Variants in USP40 observed in about 807,000 individuals in gnomAD.
USP40 encodes ubiquitin specific peptidase 40, also known as ubiquitin carboxyl-terminal hydrolase 40.
USP40 carries 143 observed loss-of-function variants against 166.2 expected under a neutral mutation model. The ratio of observed to expected loss-of-function variants is 0.86; its 90% CI spans 0.75 to 0.99. USP40 has a LOEUF of 0.99. Among genes scored for constraint, USP40 ranks in the 50% least tolerant of loss-of-function variants. USP40 has a pLI of 0.00. For synonymous variants in USP40, 498 were observed against 524.0 expected, an observed-to-expected ratio of 0.95 and a Z score of 0.68; for missense variants, 1,444 against 1,479.7, an observed-to-expected ratio of 0.98 and a Z score of 0.40.
intron 24 of USP40, among the ~76,000 whole-genome samples, chr2:233,495,573 A>G (rs1030836599): frequency 6.6e-6 from 1 of 152,148 alleles, no homozygotes; most frequent in African/African-American, 2.4e-5. Flanking sequence ...TTATCTCTTA[A>G]TAAACCTATT....
intron 30 of USP40, among the ~76,000 whole-genome samples, chr2:233,484,826 ATTTC>A (rs1404509944): frequency 6.6e-6 from 1 of 152,102 alleles, no homozygotes; most frequent in Non-Finnish European, 1.5e-5. Flanking sequence ...TCCTTTTCAA[ATTTC>A]TTTTACTGCT....
intron 23 of USP40, 131 bp from the exon 24 acceptor site, chr2:233,496,963 C>T (rs2065783853): frequency 3.2e-6 from 2 of 623,996 alleles, no homozygotes; most frequent in East Asian, 5.6e-5. Context: ...ATGGAAGACA[C>T]AGGAAATAAG....
chr2:233,526,372 C>A (rs1203971326), intron 13 of USP40, among the ~76,000 whole-genome samples: 1 of 152,028 alleles, frequency 6.6e-6, no homozygotes, highest in Non-Finnish European at 1.5e-5. Flanking sequence ...GGTTCAGATT[C>A]CCACATCTGC....
Position 233,525,493 on chromosome 2 carries a change from A to C in USP40, c.1795T>G (p.Tyr599Asp). The change falls in exon 14 of 32, where the codon TAC becomes GAC. Residue 599 changes from tyrosine to aspartate, a missense_variant. Physicochemically the swap from Tyr to Asp is radical, Grantham distance 160 (BLOSUM62 -3). Transcript: ENST00000678225. ...TTTATCTTACCGCCAAGTGACTGGT[A>C]AATGTGAAGTCCTGCTGGTACAAGC... Reference protein sequence around the residue: ...AKLVPAGLHIYQSLGGDELTL... With the variant: ...AKLVPAGLHIDQSLGGDELTL... The C allele has an allele frequency of 6.2e-7, 1 of 1,612,966 alleles. No homozygotes were observed. Among genetic ancestry groups the C allele is most frequent in the Non-Finnish European group, 8.5e-7 (1 of 1,179,250 alleles).
chr2:233,546,784 T>G (rs1427352807), intron 8 of USP40: 1 of 152,190 alleles, frequency 6.6e-6, no homozygotes, highest in Non-Finnish European at 1.5e-5. Flanking sequence ...AAGGGGAGTT[T>G]AAGGCGGAGT....
intron 22 of USP40, among the ~76,000 whole-genome samples, chr2:233,499,252 A>G (rs2065921374): frequency 6.6e-6 from 1 of 151,022 alleles, no homozygotes; most frequent in South Asian, 2.1e-4. Flanking sequence ...AAGTAAGAAC[A>G]TGTGGTGTCT....
In USP40 at chr2:233,523,293, G is replaced by A; in HGVS notation, c.2078C>T (p.Ala693Val). 6.2e-7 allele frequency: 1 copy of A among 1,614,002 alleles called. No homozygotes were observed. The highest frequency in any genetic ancestry group is 8.5e-7 in the Non-Finnish European group (1 of 1,179,890). The change falls in exon 16 of 32, where the codon GCT (alanine) becomes GTT (valine). Residue 693 changes from alanine (A) to valine (V), a missense_variant. Physicochemically the swap from Ala to Val is moderately conservative, Grantham distance 64. Coordinates refer to ENST00000678225, the MANE Select transcript of USP40 (RefSeq NM_001365479.2). ...CCAACCCTCCCCACCTGGACATCCA[G>A]CACTGTTGATGAAGATGACACCTGC... ...IPAGVIFINS[A>V]GCPGGEGWTA...
intron 8 of USP40, among the ~76,000 whole-genome samples, chr2:233,542,805 T>C (rs2069547610): frequency 1.3e-5 from 2 of 152,244 alleles, no homozygotes; most frequent in Non-Finnish European, 2.9e-5. Context: ...GACAATTTAC[T>C]TCATCTCTCT....
chr2:233,522,329 T>C (rs2067714611), intron 16 of USP40, among the ~76,000 whole-genome samples: 1 of 152,208 alleles, frequency 6.6e-6, no homozygotes, highest in South Asian at 2.1e-4. Context: ...TCCCAATAAA[T>C]GCATACTGCC....
intron 30 of USP40, among the ~76,000 whole-genome samples, chr2:233,484,895 GTGT>G (rs1559212658): frequency 6.6e-6 from 1 of 152,092 alleles, no homozygotes; most frequent in African/African-American, 2.4e-5. Flanking sequence ...TTCATTGCCC[GTGT>G]TGTTTAGTAC....
At chr2:233,507,444 T>A (rs76398698) in intron 21 of USP40, among the ~76,000 whole-genome samples, 5 of 151,972 alleles carry the variant, frequency 3.3e-5, no homozygotes, top group African/African-American at 1.2e-4. Context: ...AGTGGATGAA[T>A]AGGTAAGGAA....
intron 31 of USP40, among the ~76,000 whole-genome samples, chr2:233,477,989 G>C (rs1440429635): frequency 1.3e-5 from 2 of 152,222 alleles, no homozygotes; most frequent in African/African-American, 2.4e-5. Context: ...CCATGGCACC[G>C]TGCGGCAGGT....
At chr2:233,563,868 A>G (rs2071889235) in intron 2 of USP40, among the ~76,000 whole-genome samples, 1 of 152,094 alleles carries the variant, frequency 6.6e-6, no homozygotes, top group African/African-American at 2.4e-5. Context: ...TGGGACTCTC[A>G]GTACTACTCT....
chr2:233,520,273 G>A (rs1328681587), intron 17 of USP40, among the ~76,000 whole-genome samples: 2 of 152,072 alleles, frequency 1.3e-5, no homozygotes, highest in African/African-American at 4.8e-5. Flanking sequence ...GAAACAGAGT[G>A]AGTCATAAAG....
Position 233,498,491 on chromosome 2 carries a change from C to A in USP40, c.2715+57G>T, listed in dbSNP as rs189034357. On this transcript the variant is annotated intron_variant, in intron 23 of 31. Transcript: ENST00000678225. Reference sequence around the variant, plus strand: ...TCATGAGTGGAATGGGTACCTTGTACGAAAATATGACATAAATGTAATCAT... The same window carrying A: ...TCATGAGTGGAATGGGTACCTTGTAAGAAAATATGACATAAATGTAATCAT... 7.9e-6 allele frequency: 12 copies of A among 1,527,702 alleles called. No homozygotes were observed. The East Asian group carries it at 9.0e-5, about 12-fold the overall frequency. 94.6% of individuals were successfully genotyped at this position (1,527,702 alleles called of 1,614,324 possible).
intron 2 of USP40, among the ~76,000 whole-genome samples, 156 bp from the exon 3 acceptor site, chr2:233,562,959 T>C (rs1454603770): frequency 1.3e-5 from 2 of 152,200 alleles, no homozygotes; most frequent in African/African-American, 4.8e-5. Flanking sequence ...TACTTTCTTG[T>C]AACATTTTTA....
rs182744414 is a variant in USP40, at chr2:233,565,660, T to C, written c.-19-87A>G. The C allele has an allele frequency of 2.0e-3, 2,365 of 1,173,708 alleles. 7 individuals are homozygous for C. The highest frequency in any genetic ancestry group is 2.5e-3 in the Non-Finnish European group (2,163 of 850,496). The allele number at this position is 1,173,708 out of a possible 1,614,324, so 72.7% of individuals were successfully genotyped here. On this transcript the variant is annotated intron_variant, in intron 1 of 31. Transcript: ENST00000678225. ...ACCTTACACTTGGGAGTCGATTCTG[T>C]TGTTTCTTAGAACACAGGACTACTG... is the stretch of plus-strand genomic sequence containing the variant.
At chr2:233,479,135 C>T (rs992521474) in intron 31 of USP40, among the ~76,000 whole-genome samples, 1 of 152,238 alleles carries the variant, frequency 6.6e-6, no homozygotes, top group Non-Finnish European at 1.5e-5. Flanking sequence ...CTATCTCAAA[C>T]AGCACAGATG....
chr2:233,559,455 A>C (rs928375358), intron 4 of USP40, among the ~76,000 whole-genome samples: 1 of 152,236 alleles, frequency 6.6e-6, no homozygotes, highest in Non-Finnish European at 1.5e-5. Flanking sequence ...AGACTAAAAA[A>C]CTGATCAACA....
Sources: allele counts gnomAD v4.1 joint callset (sites outside exome capture counted in the v4.1 genomes callset), GRCh38; gene constraint gnomAD v4.1.1; transcripts MANE v1.5; gene names NCBI Gene and HGNC (gene_info 2026-07-23, HGNC 2026-07-21).